Variants in PDLIM5 observed in about 807,000 individuals in gnomAD.
The protein encoded by PDLIM5 is PDZ and LIM domain 5.
A neutral mutation model predicts 64.2 loss-of-function variants in PDLIM5; 34 were observed. The ratio of observed to expected loss-of-function variants is 0.53; its 90% confidence interval spans 0.40 to 0.71. The LOEUF (loss-of-function observed/expected upper bound fraction) is 0.71. Among genes scored for constraint, PDLIM5 ranks in the 30% least tolerant of loss-of-function variants. The pLI is 0.00. For missense variants in PDLIM5, 683 were observed against 733.6 expected, an observed-to-expected ratio of 0.93 and a Z score of 0.80; for synonymous variants, 253 against 269.1, an observed-to-expected ratio of 0.94 and a Z score of 0.59.
At chr4:94,658,761 C>A (rs1742417818) in intron 11 of PDLIM5, among the ~76,000 whole-genome samples, 1 of 152,210 alleles carries the variant, frequency 6.6e-6, no homozygotes, top group Non-Finnish European at 1.5e-5. Flanking sequence ...TCCCAGGAAC[C>A]CCAGAAATTC....
At chr4:94,456,638 C>T (rs1226777754) in intron 2 of PDLIM5, 4 of 869,166 alleles carry the variant, frequency 4.6e-6, no homozygotes, top group Non-Finnish European at 7.0e-6. Context: ...AACCAATCCC[C>T]TACTGAAGAG....
Position 94,663,980 on chromosome 4 carries a change from G to A in PDLIM5, c.1704G>A (p.Val568=), listed in dbSNP as rs1553985398. The A allele has an allele frequency of 6.3e-7, 1 of 1,596,376 alleles. No individual in the cohort carries two copies. Among genetic ancestry groups the A allele is most frequent in the South Asian group, 1.1e-5 (1 of 89,984 alleles). The stretch of plus-strand genomic sequence containing the variant: ...CTTAAATGCTGCTTCTTTTTCAGGT[G>A]TGTTGTGAAAGTTTGGAAGGTCAGA... The part of the protein sequence containing the change: ...TWHDTCFVCS[V]CCESLEGQTF... The change falls in exon 13 of 13, where the codon GTG becomes GTA. Residue 568 remains valine (V), a splice_region_variant and synonymous_variant. Transcript: ENST00000317968.
chr4:94,537,488 A>C (rs1010909868), intron 3 of PDLIM5, among the ~76,000 whole-genome samples: 2 of 152,190 alleles, frequency 1.3e-5, no homozygotes, highest in Non-Finnish European at 2.9e-5. Flanking sequence ...TTAAATAAAT[A>C]AATTATAACA....
intron 8 of PDLIM5, among the ~76,000 whole-genome samples, chr4:94,621,091 A>G (rs1165758621): frequency 1.4e-5 from 2 of 140,022 alleles, no homozygotes; most frequent in African/African-American, 5.3e-5. Context: ...AAAAAAAAAA[A>G]AAAAAAAGCT....
rs1183428433 is a variant in PDLIM5 at position 94,657,463 on chromosome 4, T to C, written c.1501T>C (p.Ser501Pro). The change falls in exon 11 of 13, where the codon TCC (serine) becomes CCC (proline). Residue 501 changes from serine (S) to proline (P), a missense_variant. Ser to Pro is a moderately conservative substitution (Grantham distance 74, BLOSUM62 -1). Transcript: ENST00000317968. ...ISALKQTWHV[S>P]CFVCVACGKP... ...TGCGTTGAAACAAACTTGGCATGTT[T>C]CCTGTTTTGTGTGTGTAGCCTGTGG... The C allele has an allele frequency of 1.2e-6, 2 of 1,606,252 alleles. No homozygotes were observed. The highest frequency in any genetic ancestry group is 8.5e-7 in the Non-Finnish European group (1 of 1,172,924).
intron 2 of PDLIM5, among the ~76,000 whole-genome samples, chr4:94,475,587 G>A (rs1304720793): frequency 1.3e-5 from 2 of 152,164 alleles, no homozygotes; most frequent in African/African-American, 4.8e-5. Flanking sequence ...TAGGAAAAAT[G>A]TAGAATGGTG....
intron 2 of PDLIM5, among the ~76,000 whole-genome samples, chr4:94,478,146 C>T (rs1725495143): frequency 6.6e-6 from 1 of 151,100 alleles, no homozygotes. Context: ...ATTCTAGCTA[C>T]TTAGGAAGCC....
At position 94,546,495 on chromosome 4, in the gene PDLIM5, G is replaced by A. The variant is rs188915706; in HGVS notation, c.248+22620G>A. ...AATTGTTATCAAACAAAAGCTATTA[G>A]GAAATCTTTGGAATTTATTATTTTC... On this transcript the variant is annotated intron_variant, in intron 3 of 12. Transcript: ENST00000317968. Among the ~76,000 whole-genome samples the A allele has an allele frequency of 7.2e-5, 11 of 152,022 alleles. No individual in the cohort carries two copies. The East Asian group carries it at 1.9e-3, about 27-fold the overall frequency.
At position 94,665,965 on chromosome 4, in the gene PDLIM5, T is replaced by C. The variant is rs1410098639; in HGVS notation, c.*1898T>C. ...GTGGTAAAACTGTGGATCCTGTTGC[T>C]ATTTGCCCAGTGAGAAAACAGATTC... On this transcript the variant is annotated 3_prime_UTR_variant, in exon 13 of 13. Transcript: ENST00000317968. The C allele has an allele frequency of 2.0e-6, 3 of 1,529,522 alleles. No homozygotes were observed. Among genetic ancestry groups the C allele is most frequent in the African/African-American group, 2.7e-5 (2 of 72,826 alleles). 94.7% of individuals were successfully genotyped at this position (1,529,522 alleles called of 1,614,324 possible). A position where few individuals can be genotyped will look rare whatever the true frequency, so the allele number is the denominator to read the frequency against.
At chr4:94,502,632 TTTGG>T (rs759749792) in intron 2 of PDLIM5, among the ~76,000 whole-genome samples, 2 of 152,136 alleles carry the variant, frequency 1.3e-5, no homozygotes, top group Non-Finnish European at 2.9e-5. Context: ...ATCCCAGCAC[TTTGG>T]GAAGCCGAGG....
intron 5 of PDLIM5, among the ~76,000 whole-genome samples, chr4:94,583,491 C>T (rs1286649292): frequency 6.6e-6 from 1 of 152,048 alleles, no homozygotes; most frequent in Non-Finnish European, 1.5e-5. Context: ...TTTAGTAGCT[C>T]AATATAAAAT....
At chr4:94,557,330 C>T (rs1377252299) in intron 3 of PDLIM5, among the ~76,000 whole-genome samples, 3 of 152,140 alleles carry the variant, frequency 2.0e-5, no homozygotes, top group Non-Finnish European at 4.4e-5. Context: ...AGTTTGAAGT[C>T]AGGTAGTGTG....
chr4:94,626,256 T>G (rs1739686330), intron 8 of PDLIM5, among the ~76,000 whole-genome samples: 1 of 152,226 alleles, frequency 6.6e-6, no homozygotes, highest in African/African-American at 2.4e-5. Context: ...GAATGATGAC[T>G]ATCATTGATT....
chr4:94,457,617 C>T (rs374033601), intron 2 of PDLIM5, among the ~76,000 whole-genome samples: 1 of 152,130 alleles, frequency 6.6e-6, no homozygotes, highest in South Asian at 2.1e-4. Context: ...TTAATTATCA[C>T]TTTGTTGTGT....
chr4:94,502,082 T>C, intron 2 of PDLIM5, among the ~76,000 whole-genome samples: 1 of 152,156 alleles, frequency 6.6e-6, no homozygotes, highest in Non-Finnish European at 1.5e-5. Context: ...ATTCCTACTC[T>C]TCTTCTGCTT....
chr4:94,646,498 A>G (rs1741422766), intron 9 of PDLIM5, among the ~76,000 whole-genome samples: 1 of 152,190 alleles, frequency 6.6e-6, no homozygotes, highest in African/African-American at 2.4e-5. Context: ...GTACTTTGCT[A>G]AGGCAGTCCT....
At chr4:94,565,000 C>T (rs954947403) in intron 3 of PDLIM5, among the ~76,000 whole-genome samples, 3 of 152,058 alleles carry the variant, frequency 2.0e-5, no homozygotes, top group Non-Finnish European at 4.4e-5. Flanking sequence ...TACAACAGAG[C>T]CTTCTGTATC....
At chr4:94,530,813 G>A (rs1198389969) in intron 3 of PDLIM5, among the ~76,000 whole-genome samples, 2 of 152,024 alleles carry the variant, frequency 1.3e-5, no homozygotes, top group Non-Finnish European at 2.9e-5. Flanking sequence ...AATTTAATAG[G>A]TACATTGGAT....
chr4:94,626,862 G>A (rs1161009252), intron 8 of PDLIM5, among the ~76,000 whole-genome samples: 1 of 151,634 alleles, frequency 6.6e-6, no homozygotes, highest in African/African-American at 2.4e-5. Context: ...ACTGAATGAT[G>A]TGCATCTCAG....
Sources: allele counts gnomAD v4.1 joint callset (sites outside exome capture counted in the v4.1 genomes callset), GRCh38; gene constraint gnomAD v4.1.1; transcripts MANE v1.5; gene names NCBI Gene and HGNC (gene_info 2026-07-23, HGNC 2026-07-21).